INSIG1: variants seen among roughly 807,000 people sequenced by gnomAD.
The protein encoded by INSIG1 is insulin induced gene 1, also known as insulin-induced gene 1 protein.
In INSIG1, 14 loss-of-function variants were observed where a neutral mutation model predicts 26.5. That is an observed-to-expected ratio of 0.53 (90% confidence interval 0.35 to 0.83). INSIG1 has a LOEUF of 0.83. Ranked by LOEUF, INSIG1 falls within the 40% of genes least tolerant of loss-of-function variation. The probability of loss-of-function intolerance (pLI) is 0.01; values close to 1 mark genes in which losing one functional copy is unlikely to be tolerated. For synonymous variants in INSIG1, 147 were observed against 153.3 expected (o/e 0.96, Z 0.30); for missense variants, 272 against 368.9 (o/e 0.74, Z 2.15).
At position 155,302,167 on chromosome 7, in the gene INSIG1, A is replaced by G. The variant is rs953172817; in HGVS notation, c.538-84A>G. 1.7e-5 allele frequency: 17 copies of G among 1,020,584 alleles called. No individual in the cohort carries two copies. The highest frequency in any genetic ancestry group is 2.4e-5 in the Non-Finnish European group (17 of 708,900). 63.2% of individuals were successfully genotyped at this position (1,020,584 alleles called of 1,614,324 possible). ...ATTATCTGTGGTACAATAATAAAAT[A>G]CCCATGTTTTTAACCCTTGTGGTTT... On this transcript the variant is annotated intron_variant, in intron 3 of 5. Coordinates refer to ENST00000340368, the MANE Select transcript of INSIG1 (RefSeq NM_005542.6). The surrounding 1 kb of genome is among the most constrained non-coding windows in gnomAD (Gnocchi z 4.3).
At chr7:155,300,199 G>T (rs1345269157) in intron 2 of INSIG1, among the ~76,000 whole-genome samples, 1 of 152,064 alleles carries the variant, frequency 6.6e-6, no homozygotes, top group Non-Finnish European at 1.5e-5. Context: ...AAATAGTTTA[G>T]CCTTCAGTAT....
rs978356973 is a variant in INSIG1, at chr7:155,297,901, C to T, written c.-86C>T. 1.9e-4 allele frequency: 30 copies of T among 161,976 alleles called. No individual in the cohort carries two copies. The highest frequency in any genetic ancestry group is 1.4e-3 in the Admixed American group (22 of 15,536). The allele number at this position is 161,976 out of a possible 1,614,324, so 10.0% of individuals were successfully genotyped here. On this transcript the variant is annotated 5_prime_UTR_variant, in exon 1 of 6. Transcript: ENST00000340368. ...CTGCGGCCGTCCCGGGCCGTGACTCCTCCTTTCCCCCGCCCCGCCTCCGTT... is the reference window on the plus strand; with the variant it reads ...CTGCGGCCGTCCCGGGCCGTGACTCTTCCTTTCCCCCGCCCCGCCTCCGTT...
At position 155,298,186 on chromosome 7, in the gene INSIG1, G is replaced by C. The variant is rs559051489; in HGVS notation, c.-27-73G>C. ...GGCGCTGCCGCCTGGCCCGGGTGCC[G>C]GGGTTCGCGTCCCGCGGGGCCTTCC... On this transcript the variant is annotated intron_variant, in intron 1 of 5. Transcript: ENST00000340368. The C allele has an allele frequency of 3.0e-5, 38 of 1,260,994 alleles. No individual in the cohort carries two copies. The African/African-American group carries it at 5.4e-4, about 18-fold the overall frequency. 78.1% of individuals were successfully genotyped at this position (1,260,994 alleles called of 1,614,324 possible).
chr7:155,300,212 G>A (rs1797747162), intron 2 of INSIG1, among the ~76,000 whole-genome samples: 1 of 152,024 alleles, frequency 6.6e-6, no homozygotes, highest in African/African-American at 2.4e-5. Flanking sequence ...TTCAGTATTT[G>A]TAATTGGATC....
intron 2 of INSIG1, among the ~76,000 whole-genome samples, chr7:155,300,572 G>A (rs1014226501): frequency 6.6e-6 from 1 of 152,024 alleles, no homozygotes; most frequent in Non-Finnish European, 1.5e-5. Context: ...TGACCCTTGT[G>A]TCCCAGCATC....
chr7:155,298,303 C>A lies in INSIG1; in HGVS notation c.18C>A (p.Asp6Glu), dbSNP rs746752379. 1 of 1,489,864 alleles carries A rather than the reference C, an allele frequency of 6.7e-7. No homozygotes were observed. The highest frequency in any genetic ancestry group is 8.9e-7 in the Non-Finnish European group (1 of 1,126,092). The allele number at this position is 1,489,864 out of a possible 1,614,324, so 92.3% of individuals were successfully genotyped here. Residue 6 changes from aspartate to glutamate, a missense_variant, in exon 2 of 6, where the codon GAC becomes GAA. Physicochemically the swap from Asp to Glu is conservative, Grantham distance 45. Coordinates refer to ENST00000340368, the MANE Select transcript of INSIG1 (RefSeq NM_005542.6). MPRLH[D>E]HFWSCSCAHS... ...TGTGACCGATGCCCAGATTGCACGA[C>A]CACTTCTGGAGCTGCTCCTGTGCGC...
At chr7:155,301,790 C>G (rs1356960609) in intron 3 of INSIG1, 100 bp downstream of exon 3, 4 of 1,142,862 alleles carry the variant, frequency 3.5e-6, no homozygotes, top group Admixed American at 5.6e-5. Flanking sequence ...TGTCATAATA[C>G]AGACATGATG....
intron 2 of INSIG1, 102 bp downstream of exon 2, chr7:155,298,799 C>T: frequency 8.8e-7 from 1 of 1,132,586 alleles, no homozygotes; most frequent in Non-Finnish European, 1.2e-6. Flanking sequence ...TGGAACTATC[C>T]ACAGATTGAA....
chr7:155,302,453 C>T lies in INSIG1; in HGVS notation c.704+36C>T. 1 of 1,520,428 alleles carries T rather than the reference C, an allele frequency of 6.6e-7. No individual in the cohort carries two copies. The highest frequency in any genetic ancestry group is 8.8e-7 in the Non-Finnish European group (1 of 1,131,520). The allele number at this position is 1,520,428 out of a possible 1,614,324, so 94.2% of individuals were successfully genotyped here. A position where few individuals can be genotyped will look rare whatever the true frequency, so the allele number is the denominator to read the frequency against. On this transcript the variant is annotated intron_variant, in intron 4 of 5. Coordinates refer to ENST00000340368, the MANE Select transcript of INSIG1 (RefSeq NM_005542.6). The surrounding 1 kb of genome is among the most constrained non-coding windows in gnomAD (Gnocchi z 4.3). ...GTTTTCAAATATTGGCTTTGGAAAG[C>T]TTACTTAACTTTCATTAAAACATCC... is the stretch of plus-strand genomic sequence containing the variant.
At chr7:155,303,068 C>A in intron 5 of INSIG1, 1 of 417,790 alleles carries the variant, frequency 2.4e-6, no homozygotes, top group Non-Finnish European at 4.4e-6. Context: ...GGAACTAGAG[C>A]CCTCGCACTG....
chr7:155,301,008 C>T (rs9768344), intron 2 of INSIG1, among the ~76,000 whole-genome samples: 75,595 of 152,082 alleles, frequency 0.5, 18,875 homozygotes, highest in African/African-American at 0.57. Flanking sequence ...ATGCTAGAAC[C>T]CCCGAAAATC....
At position 155,309,128 on chromosome 7, in the gene INSIG1, C is replaced by A. The variant is rs1798018302; in HGVS notation, c.*858C>A. On this transcript the variant is annotated 3_prime_UTR_variant, in exon 6 of 6. Coordinates refer to ENST00000340368, the MANE Select transcript of INSIG1 (RefSeq NM_005542.6). ...TAGAGATGACTGTTTTTTGCCACAG[C>A]CCTATGGAATTTGCAATCTGTGATT... 6.6e-6 allele frequency: 1 copy of A among 152,328 alleles called. No individual in the cohort carries two copies. 9.4% of individuals were successfully genotyped at this position (152,328 alleles called of 1,614,324 possible). A position where few individuals can be genotyped will look rare whatever the true frequency, so the allele number is the denominator to read the frequency against.
intron 5 of INSIG1, among the ~76,000 whole-genome samples, chr7:155,306,498 A>C (rs1364337631): frequency 6.6e-6 from 1 of 152,144 alleles, no homozygotes; most frequent in Non-Finnish European, 1.5e-5. Flanking sequence ...TCAGCTTGGG[A>C]TTTGATTTGC....
chr7:155,307,312 G>C (rs568597616), intron 5 of INSIG1, among the ~76,000 whole-genome samples: 40 of 152,312 alleles, frequency 2.6e-4, no homozygotes, highest in African/African-American at 8.9e-4. Flanking sequence ...GGCTCTTGCT[G>C]TTTTCTGGAT....
chr7:155,302,510 T>C lies in INSIG1; in HGVS notation c.704+93T>C. The C allele has an allele frequency of 8.0e-7, 1 of 1,249,360 alleles. No individual in the cohort carries two copies. The highest frequency in any genetic ancestry group is 1.7e-5 in the South Asian group (1 of 57,942). The allele number at this position is 1,249,360 out of a possible 1,614,324, so 77.4% of individuals were successfully genotyped here. A position where few individuals can be genotyped will look rare whatever the true frequency, so the allele number is the denominator to read the frequency against. On this transcript the variant is annotated intron_variant, in intron 4 of 5. Transcript: ENST00000340368. This position sits in a 1 kb window ranked among gnomAD's most constrained non-coding sequence, Gnocchi z 4.3. Reference sequence around the variant, plus strand: ...CTTAGATATTTTCATATTTTATTTGTTTTTTATATAGAATGATACAGATTT... The same window carrying C: ...CTTAGATATTTTCATATTTTATTTGCTTTTTATATAGAATGATACAGATTT...
At chr7:155,300,635 T>C (rs1797758491) in intron 2 of INSIG1, among the ~76,000 whole-genome samples, 1 of 152,152 alleles carries the variant, frequency 6.6e-6, no homozygotes. Context: ...ATTCCTGCCT[T>C]CATCTTTGCC....
intron 5 of INSIG1, chr7:155,303,995 T>C: frequency 2.2e-6 from 1 of 446,126 alleles, no homozygotes; most frequent in South Asian, 2.1e-5. Context: ...TTTTTTTTTT[T>C]TTTGAGACAG....
chr7:155,299,578 C>T (rs1797729730), intron 2 of INSIG1, among the ~76,000 whole-genome samples: 1 of 152,182 alleles, frequency 6.6e-6, no homozygotes, highest in South Asian at 2.1e-4. Flanking sequence ...AAGTGAGCAC[C>T]ACAAGCCCCT....
intron 2 of INSIG1, among the ~76,000 whole-genome samples, chr7:155,300,885 T>C (rs897377719): frequency 6.6e-6 from 1 of 152,238 alleles, no homozygotes; most frequent in African/African-American, 2.4e-5. Flanking sequence ...AGCTTGAGGC[T>C]TGACCATGCG....
Sources: gnomAD v4.1 joint callset for allele counts (sites outside exome capture counted in the v4.1 genomes callset) on GRCh38, gnomAD v4.1.1 for gene constraint, Gnocchi (gnomAD v3.1) non-coding constraint, MANE v1.5 for transcripts, NCBI Gene and HGNC (gene_info 2026-07-23, HGNC 2026-07-21) for gene names.